HTRA2: variants seen among roughly 807,000 people sequenced by gnomAD.
The protein encoded by HTRA2 is serine protease HTRA2, mitochondrial.
In HTRA2, 24 loss-of-function variants were observed where a neutral mutation model predicts 42.2. That is an observed-to-expected ratio of 0.57 (90% confidence interval 0.41 to 0.80). The LOEUF is 0.80. Among genes scored for constraint, HTRA2 ranks in the 30% least tolerant of loss-of-function variants. The pLI is 0.00. For synonymous variants in HTRA2, 245 were observed against 255.8 expected (o/e 0.96, Z 0.40); for missense variants, 466 against 613.5 (o/e 0.76, Z 2.54).
At position 74,530,132 on chromosome 2, in the gene HTRA2, A is replaced by C; in HGVS notation, c.126A>C (p.Gly42=). The change falls in exon 1 of 8, where the codon GGA becomes GGC. Residue 42 remains glycine, a synonymous_variant. Transcript: ENST00000258080. The surrounding 1 kb of genome is among the most constrained non-coding windows in gnomAD (Gnocchi z 7.4). ...ACCTCCGGGCCCTGCTGACGTCAGG[A>C]ACTTCTGACCCCCGGGCCCGAGTGA... ...TPDLRALLTS[G]TSDPRARVTY... is the part of the protein sequence containing the mutation. 1.9e-6 allele frequency: 3 copies of C among 1,611,878 alleles called. No homozygotes were observed. The highest frequency in any genetic ancestry group is 2.5e-6 in the Non-Finnish European group (3 of 1,179,074).
At chr2:74,532,232 C>T (rs549357480) in intron 6 of HTRA2, among the ~76,000 whole-genome samples, 35 of 152,304 alleles carry the variant, frequency 2.3e-4, no homozygotes, top group East Asian at 9.6e-4. Flanking sequence ...GTAATACCTT[C>T]CTATATGAAT....
chr2:74,529,496 A>G (rs776448029), upstream of HTRA2: 8 of 1,552,576 alleles, frequency 5.2e-6, no homozygotes, highest in East Asian at 9.7e-5. Context: ...AGTCACCCGG[A>G]AGCCTGGGGG....
chr2:74,532,230 T>C (rs1158360249), intron 6 of HTRA2, among the ~76,000 whole-genome samples: 1 of 152,220 alleles, frequency 6.6e-6, no homozygotes, highest in African/African-American at 2.4e-5. Flanking sequence ...CTGTAATACC[T>C]TCCTATATGA....
At chr2:74,529,917 C>A, upstream of HTRA2, 1 of 1,472,598 alleles carries the variant, frequency 6.8e-7, no homozygotes, top group Admixed American at 2.4e-5. Flanking sequence ...CTTCAGGTAC[C>A]GGCGTGCCCC....
chr2:74,531,988 T>C (rs1463860878), intron 6 of HTRA2, 63 bp downstream of exon 6: 7 of 1,419,722 alleles, frequency 4.9e-6, no homozygotes, highest in African/African-American at 1.4e-5. Context: ...GGCACCTCTA[T>C]TGAGCTTTGT....
upstream of HTRA2, chr2:74,529,548 G>A (rs988496718): frequency 1.9e-6 from 3 of 1,551,974 alleles, no homozygotes; most frequent in East Asian, 4.8e-5. Context: ...GAGAGCACGC[G>A]GGGATCGGTC....
Position 74,529,996 on chromosome 2 carries a change from A to G in HTRA2, c.-11A>G. ...AGTAGGGCGGGCGAGGAGGCAGCCA[A>G]GGCGGAGCTGATGGCTGCGCCGAGG... On this transcript the variant is annotated 5_prime_UTR_variant, in exon 1 of 8. Coordinates refer to ENST00000258080, the MANE Select transcript of HTRA2 (RefSeq NM_013247.5). The G allele has an allele frequency of 6.6e-7, 1 of 1,523,670 alleles. No homozygotes were observed. The highest frequency in any genetic ancestry group is 2.1e-5 in the Admixed American group (1 of 48,516). The allele number at this position is 1,523,670 out of a possible 1,614,324, so 94.4% of individuals were successfully genotyped here.
upstream of HTRA2, chr2:74,529,891 G>C: frequency 6.9e-7 from 1 of 1,444,994 alleles, no homozygotes; most frequent in South Asian, 1.4e-5. Context: ...TGGTCCCGGC[G>C]TGCACTTCTG....
chr2:74,529,471 C>A, upstream of HTRA2: 1 of 1,560,320 alleles, frequency 6.4e-7, no homozygotes, highest in Non-Finnish European at 8.7e-7. Flanking sequence ...AGCAGCAGCA[C>A]GAGCAGTAGG....
At chr2:74,531,728 G>A in intron 5 of HTRA2, 26 bp downstream of exon 5, 1 of 1,613,436 alleles carries the variant, frequency 6.2e-7, no homozygotes, top group South Asian at 1.1e-5. Flanking sequence ...GGGGAAACGG[G>A]TTCCTTTAAT....
chr2:74,529,804 G>T (rs1033417716), upstream of HTRA2: 6 of 1,433,090 alleles, frequency 4.2e-6, no homozygotes, highest in African/African-American at 4.3e-5. Context: ...CCCTTGGGCC[G>T]TCTCACAACT....
At position 74,530,896 on chromosome 2, in the gene HTRA2, C is replaced by T. The variant is rs749313302; in HGVS notation, c.712-15C>T. 2 of 1,614,160 alleles carry T rather than the reference C, an allele frequency of 1.2e-6. No individual in the cohort carries two copies. Among genetic ancestry groups the T allele is most frequent in the Non-Finnish European group, 1.7e-6 (2 of 1,180,028 alleles). ...ATCTTCAGATGACAGGTCTCTTTTACCCATTCTCCCTTAGGAGCCTCTCCC... is the reference window on the plus strand; with the variant it reads ...ATCTTCAGATGACAGGTCTCTTTTATCCATTCTCCCTTAGGAGCCTCTCCC... On this transcript the variant is annotated splice_polypyrimidine_tract_variant and intron_variant, in intron 2 of 7. Transcript: ENST00000258080. The surrounding 1 kb of genome is among the most constrained non-coding windows in gnomAD (Gnocchi z 7.4).
chr2:74,530,680 T>C lies in HTRA2; in HGVS notation c.570T>C (p.Asp190=). 1 of 1,614,170 alleles carries C rather than the reference T, an allele frequency of 6.2e-7. No homozygotes were observed. The highest frequency in any genetic ancestry group is 8.5e-7 in the Non-Finnish European group (1 of 1,180,030). The change falls in exon 2 of 8, where the codon GAT becomes GAC. Residue 190 remains aspartate (D), a synonymous_variant. Transcript: ENST00000258080. The surrounding 1 kb of genome is among the most constrained non-coding windows in gnomAD (Gnocchi z 7.4). ...SNGSGFVVAA[D]GLIVTNAHVV... ...GCTCAGGATTCGTGGTGGCTGCCGATGGGCTCATTGTCACCAACGCCCATG... is the reference window on the plus strand; with the variant it reads ...GCTCAGGATTCGTGGTGGCTGCCGACGGGCTCATTGTCACCAACGCCCATG...
Position 74,531,931 on chromosome 2 carries a change from A to G in HTRA2, c.1115+6A>G. On this transcript the variant is annotated splice_donor_region_variant and intron_variant, in intron 6 of 7. Coordinates refer to ENST00000258080, the MANE Select transcript of HTRA2 (RefSeq NM_013247.5). ...ATGCTGACCCTGAGTCCCAGGTATG[A>G]GCTTTAGGGACAGTGACATGTAATG... is the stretch of plus-strand genomic sequence containing the variant. 2 of 1,613,766 alleles carry G rather than the reference A, an allele frequency of 1.2e-6. No individual in the cohort carries two copies. The highest frequency in any genetic ancestry group is 8.5e-7 in the Non-Finnish European group (1 of 1,179,724).
downstream of HTRA2, chr2:74,533,384 C>G (rs553781929): frequency 1.1e-5 from 6 of 564,370 alleles, no homozygotes; most frequent in African/African-American, 1.1e-4. Context: ...CTGTTCTGCT[C>G]GGTGCTGGGC....
upstream of HTRA2, chr2:74,529,603 C>T (rs1348709363): frequency 1.3e-6 from 2 of 1,567,604 alleles, no homozygotes; most frequent in Non-Finnish European, 1.7e-6. Context: ...AGAGCCGCTC[C>T]GGCCCCGGCC....
At chr2:74,532,272 G>GT (rs751913668) in intron 6 of HTRA2, 5 of 480,424 alleles carry the variant, frequency 1.0e-5, no homozygotes, top group Non-Finnish European at 1.9e-5. Context: ...CTACTCCCAT[G>GT]TTTTTTATTT....
intron 4 of HTRA2, 111 bp downstream of exon 4, chr2:74,531,482 G>A: frequency 6.2e-7 from 1 of 1,607,720 alleles, no homozygotes. Context: ...GTTCTTTGTT[G>A]GCTATCTCTC....
chr2:74,529,496 A>C, upstream of HTRA2: 2 of 1,552,576 alleles, frequency 1.3e-6, no homozygotes, highest in Non-Finnish European at 1.7e-6. Context: ...AGTCACCCGG[A>C]AGCCTGGGGG....
Sources: allele counts gnomAD v4.1 joint callset (sites outside exome capture counted in the v4.1 genomes callset), GRCh38; gene constraint gnomAD v4.1.1; non-coding constraint Gnocchi (gnomAD v3.1); transcripts MANE v1.5; gene names NCBI Gene and HGNC (gene_info 2026-07-23, HGNC 2026-07-21).